ATP10D: variants seen among roughly 807,000 people sequenced by gnomAD.
ATP10D encodes phospholipid-transporting ATPase VD.
In ATP10D, 89 loss-of-function variants were observed where a neutral mutation model predicts 144.8. The observed-to-expected ratio is 0.61, with a 90% CI of 0.52 to 0.73. The LOEUF is 0.73. Among genes scored for constraint, ATP10D ranks in the 30% least tolerant of loss-of-function variants. The probability of loss-of-function intolerance (pLI) is 0.00; values close to 1 mark genes in which losing one functional copy is unlikely to be tolerated. For missense variants in ATP10D, 1,603 were observed against 1,714.8 expected (o/e 0.93, Z 1.15); for synonymous variants, 571 against 615.1 (o/e 0.93, Z 1.06).
At chr4:47,516,338 G>A (rs1158545727) in intron 3 of ATP10D, among the ~76,000 whole-genome samples, 10 of 152,004 alleles carry the variant, frequency 6.6e-5, no homozygotes, top group African/African-American at 2.2e-4. Flanking sequence ...CATAGGAGGA[G>A]GTCTTTTTAG....
At chr4:47,564,035 G>C (rs1560447895) in intron 15 of ATP10D, among the ~76,000 whole-genome samples, 1 of 152,128 alleles carries the variant, frequency 6.6e-6, no homozygotes, top group Non-Finnish European at 1.5e-5. Context: ...GGGATTACAG[G>C]CATCTGCCAC....
At chr4:47,580,686 T>A (rs1419032727) in intron 20 of ATP10D, among the ~76,000 whole-genome samples, 17 of 152,232 alleles carry the variant, frequency 1.1e-4, no homozygotes, top group Admixed American at 1.1e-3. Flanking sequence ...CTCTTAGGCC[T>A]CTTGTTAACT....
chr4:47,589,853 T>C (rs1485825711), intron 22 of ATP10D, among the ~76,000 whole-genome samples: 4 of 152,174 alleles, frequency 2.6e-5, no homozygotes, highest in Non-Finnish European at 5.9e-5. Flanking sequence ...AGATTTTCTT[T>C]GTCACACTGT....
chr4:47,491,359 T>C, intron 1 of ATP10D: 1 of 752,326 alleles, frequency 1.3e-6, no homozygotes, highest in Admixed American at 1.7e-5. Context: ...TCACGTCTCT[T>C]ATAGATTCAC....
At chr4:47,565,255 C>T (rs926129757) in intron 15 of ATP10D, among the ~76,000 whole-genome samples, 1 of 152,150 alleles carries the variant, frequency 6.6e-6, no homozygotes, top group African/African-American at 2.4e-5. Context: ...CCACCGCGCC[C>T]GGCCTGGTTA....
chr4:47,494,114 A>G (rs1444053496), intron 1 of ATP10D, among the ~76,000 whole-genome samples: 1 of 152,186 alleles, frequency 6.6e-6, no homozygotes, highest in African/African-American at 2.4e-5. Flanking sequence ...TTTGTGTTGG[A>G]TAGGTTTTAT....
At chr4:47,520,749 A>G (rs534958635) in intron 3 of ATP10D, among the ~76,000 whole-genome samples, 6 of 152,078 alleles carry the variant, frequency 3.9e-5, no homozygotes, top group Admixed American at 2.6e-4. Flanking sequence ...TTTGTATTTT[A>G]GTAGAGACAG....
At chr4:47,554,532 T>C (rs1234968005) in intron 10 of ATP10D, among the ~76,000 whole-genome samples, 194 bp from the exon 11 acceptor site, 1 of 152,234 alleles carries the variant, frequency 6.6e-6, no homozygotes, top group Non-Finnish European at 1.5e-5. Flanking sequence ...GGATTATCCA[T>C]TTGTTTTTAT....
intron 15 of ATP10D, among the ~76,000 whole-genome samples, chr4:47,568,397 T>A (rs1719751072): frequency 6.6e-6 from 1 of 152,220 alleles, no homozygotes; most frequent in African/African-American, 2.4e-5. Context: ...TGCCTTACAC[T>A]AGGAGTTTTG....
chr4:47,563,319 A>G (rs1719419465), intron 14 of ATP10D, among the ~76,000 whole-genome samples: 1 of 152,190 alleles, frequency 6.6e-6, no homozygotes, highest in African/African-American at 2.4e-5. Flanking sequence ...AATCCCTTCA[A>G]TTTACAGATA....
intron 9 of ATP10D, among the ~76,000 whole-genome samples, chr4:47,541,181 A>T (rs1226148496): frequency 6.6e-6 from 1 of 152,226 alleles, no homozygotes; most frequent in Non-Finnish European, 1.5e-5. Context: ...TAGAACAGCA[A>T]ATGGCACAAA....
chr4:47,573,399 G>A (rs1720065526), intron 18 of ATP10D, among the ~76,000 whole-genome samples: 1 of 152,208 alleles, frequency 6.6e-6, no homozygotes, highest in South Asian at 2.1e-4. Flanking sequence ...CCAAATTAAT[G>A]CCCCATGTGT....
chr4:47,524,154 C>T (rs926601538), intron 4 of ATP10D, among the ~76,000 whole-genome samples: 2 of 152,134 alleles, frequency 1.3e-5, no homozygotes, highest in Admixed American at 6.5e-5. Context: ...TCTTGATCTC[C>T]TCACCTCGTG....
chr4:47,535,743 C>A (rs1717812020), intron 6 of ATP10D, 128 bp downstream of exon 6: 2 of 1,305,362 alleles, frequency 1.5e-6, no homozygotes, highest in African/African-American at 1.5e-5. Context: ...AATTATTGGT[C>A]TCTGTTTTTC....
chr4:47,495,739 T>A (rs1158869937), intron 1 of ATP10D, among the ~76,000 whole-genome samples: 2 of 117,098 alleles, frequency 1.7e-5, no homozygotes, highest in Non-Finnish European at 3.8e-5. Context: ...TTAAGCAACT[T>A]TTTTTTTTTT....
chr4:47,563,552 A>G (rs1285524135), intron 14 of ATP10D, 29 bp from the exon 15 acceptor site: 1 of 1,571,986 alleles, frequency 6.4e-7, no homozygotes, highest in Non-Finnish European at 8.6e-7. Flanking sequence ...GTTTCTTACA[A>G]GTCCTATTGC....
At chr4:47,586,605 ATT>A (rs1720801891) in intron 21 of ATP10D, among the ~76,000 whole-genome samples, 2 of 152,218 alleles carry the variant, frequency 1.3e-5, no homozygotes, top group South Asian at 4.1e-4. Context: ...GAATGACAGT[ATT>A]CGTGATCAAC....
rs548998767 is a variant in ATP10D, at chr4:47,527,701, GAGC to G, written c.776+2060_776+2062del. Among the ~76,000 whole-genome samples the G allele has an allele frequency of 2.2e-3, 331 of 152,244 alleles. 5 individuals are homozygous for G. Among genetic ancestry groups the G allele is most frequent in the Non-Finnish European group, 3.5e-4 (24 of 67,992 alleles). On this transcript the variant is annotated intron_variant, in intron 5 of 22. Coordinates refer to ENST00000273859, the MANE Select transcript of ATP10D (RefSeq NM_020453.4). ...GTGAAAAGATGCAGGTTAAACCACA[GAGC>G]TTTACCTGCTACAATTAAAAAGATC...
At chr4:47,491,557 T>C in intron 1 of ATP10D, 1 of 408,264 alleles carries the variant, frequency 2.4e-6, no homozygotes, top group Non-Finnish European at 4.5e-6. Flanking sequence ...CTCAGATATC[T>C]TTGGCAATTT....
Sources: gnomAD v4.1 joint callset for allele counts (sites outside exome capture counted in the v4.1 genomes callset) on GRCh38, gnomAD v4.1.1 for gene constraint, MANE v1.5 for transcripts, NCBI Gene and HGNC (gene_info 2026-07-23, HGNC 2026-07-21) for gene names.